Variants in CCDC61 observed in about 807,000 individuals in gnomAD.
The protein encoded by CCDC61 is centrosomal protein CCDC61.
CCDC61 carries 55 observed loss-of-function variants against 63.0 expected under a neutral mutation model. That is an observed-to-expected ratio of 0.87 (90% CI 0.70 to 1.09). The LOEUF is 1.09. Among genes scored for constraint, CCDC61 ranks in the 50% least tolerant of loss-of-function variants. CCDC61 has a pLI of 0.00. For synonymous variants in CCDC61, 270 were observed against 317.0 expected, an observed-to-expected ratio of 0.85 and a Z score of 1.58; for missense variants, 651 against 731.4, an observed-to-expected ratio of 0.89 and a Z score of 1.27.
intron 5 of CCDC61, among the ~76,000 whole-genome samples, chr19:46,009,040 T>C (rs7254423): frequency 0.44 from 66,157 of 151,900 alleles, 14,917 homozygotes; most frequent in Middle Eastern, 0.49. Flanking sequence ...ATATAACCAC[T>C]TGAGTATATC....
chr19:46,013,846 A>G (rs1430702214), intron 5 of CCDC61, among the ~76,000 whole-genome samples: 1 of 151,248 alleles, frequency 6.6e-6, no homozygotes, highest in African/African-American at 2.4e-5. Flanking sequence ...AGCCTGGGTG[A>G]CAGAGCAAGA....
chr19:46,006,904 C>T (rs946277388), intron 4 of CCDC61, among the ~76,000 whole-genome samples, 188 bp downstream of exon 4: 2 of 152,228 alleles, frequency 1.3e-5, no homozygotes, highest in African/African-American at 4.8e-5. Flanking sequence ...TAACCATCAC[C>T]AGTGCCCTAA....
chr19:46,005,644 A>G (rs1340274895), intron 3 of CCDC61, among the ~76,000 whole-genome samples: 2 of 152,038 alleles, frequency 1.3e-5, no homozygotes, highest in African/African-American at 4.8e-5. Context: ...CCAAAATTCT[A>G]ATTTCAAGTG....
chr19:46,009,871 GTGTGTTTCTAGGTT>G (rs138388801), intron 5 of CCDC61, among the ~76,000 whole-genome samples: 2,353 of 152,102 alleles, frequency 0.015, 26 homozygotes, highest in Non-Finnish European at 0.025. Context: ...GGCTGTGTGT[GTGTGTTTCTAGGTT>G]TGTGTTTCTG....
In CCDC61 at chr19:46,006,771, T is replaced by C. The variant is rs575426905; in HGVS notation, c.389+55T>C. ...GGCTGGTGGGCGGGGTGGGAGAGGA[T>C]GTGGGTAGGCCTTAGGAACCCCTGG... is the stretch of plus-strand genomic sequence containing the variant. On this transcript the variant is annotated intron_variant, in intron 4 of 13. Coordinates refer to ENST00000595358, the MANE Select transcript of CCDC61 (RefSeq NM_001267723.2). 1.2e-5 allele frequency: 19 copies of C among 1,528,278 alleles called. No homozygotes were observed. The African/African-American group carries it at 1.8e-4, about 14-fold the overall frequency. 94.7% of individuals were successfully genotyped at this position (1,528,278 alleles called of 1,614,324 possible). A position where few individuals can be genotyped will look rare whatever the true frequency, so the allele number is the denominator to read the frequency against.
At chr19:45,997,887 A>G (rs1425499010) in intron 1 of CCDC61, among the ~76,000 whole-genome samples, 1 of 151,826 alleles carries the variant, frequency 6.6e-6, no homozygotes, top group Non-Finnish European at 1.5e-5. Flanking sequence ...GGGTTTCACC[A>G]TCTTGGCCAG....
chr19:46,004,218 A>G (rs1052616353), intron 3 of CCDC61, among the ~76,000 whole-genome samples: 13 of 152,082 alleles, frequency 8.5e-5, no homozygotes, highest in Non-Finnish European at 1.5e-4. Context: ...GGGATTACAG[A>G]CGTGAACCAC....
chr19:46,006,145 A>G (rs1158134861), intron 3 of CCDC61, among the ~76,000 whole-genome samples: 2 of 152,058 alleles, frequency 1.3e-5, no homozygotes, highest in African/African-American at 2.4e-5. Flanking sequence ...CAGGGGCTTG[A>G]TTTCTCCTAA....
chr19:46,015,442 T>C lies in CCDC61; in HGVS notation c.845+15T>C. ...TACAAGAGGGGGTGAGAGCGAGGCCTGCCAGGCGCCTGGGCGGATGGGCGG... is the reference window on the plus strand; with the variant it reads ...TACAAGAGGGGGTGAGAGCGAGGCCCGCCAGGCGCCTGGGCGGATGGGCGG... On this transcript the variant is annotated intron_variant, in intron 7 of 13. Coordinates refer to ENST00000595358, the MANE Select transcript of CCDC61 (RefSeq NM_001267723.2). The surrounding 1 kb of genome is among the most constrained non-coding windows in gnomAD (Gnocchi z 5.3). 1.3e-6 allele frequency: 2 copies of C among 1,490,926 alleles called. No individual in the cohort carries two copies. The highest frequency in any genetic ancestry group is 1.8e-6 in the Non-Finnish European group (2 of 1,111,078). 92.4% of individuals were successfully genotyped at this position (1,490,926 alleles called of 1,614,324 possible).
At position 46,014,413 on chromosome 19, in the gene CCDC61, A is replaced by G. The variant is rs183042764; in HGVS notation, c.552-636A>G. Among the ~76,000 whole-genome samples, 355 of 152,392 alleles carry G rather than the reference A, an allele frequency of 2.3e-3. 1 individual carries two copies. Among genetic ancestry groups the G allele is most frequent in the Non-Finnish European group, 4.5e-3 (307 of 68,044 alleles). ...TACTGTCTGCACCGCACTGTGTCAC[A>G]GCAGTCACTCGGTGACAGGACACAG... is the stretch of plus-strand genomic sequence containing the variant. On this transcript the variant is annotated intron_variant, in intron 5 of 13. Coordinates refer to ENST00000595358, the MANE Select transcript of CCDC61 (RefSeq NM_001267723.2).
chr19:46,014,212 G>A (rs1427193277), intron 5 of CCDC61, among the ~76,000 whole-genome samples: 1 of 152,106 alleles, frequency 6.6e-6, no homozygotes, highest in Admixed American at 6.6e-5. Context: ...AAAGTGCTGA[G>A]ATTACAGGCA....
rs1442469699 is a variant in CCDC61 at position 46,016,965 on chromosome 19, C to T, written c.1232-26C>T. 1.3e-6 allele frequency: 2 copies of T among 1,597,280 alleles called. No homozygotes were observed. Among genetic ancestry groups the T allele is most frequent in the East Asian group, 2.3e-5 (1 of 44,288 alleles). The stretch of plus-strand genomic sequence containing the variant: ...ACTGGGCGGGGCCAGCGAGGGCCAG[C>T]GGTCACGCCCTCCGTCTCCCTCTAG... On this transcript the variant is annotated intron_variant, in intron 10 of 13. Coordinates refer to ENST00000595358, the MANE Select transcript of CCDC61 (RefSeq NM_001267723.2). This position sits in a 1 kb window ranked among gnomAD's most constrained non-coding sequence, Gnocchi z 7.2.
Position 46,015,103 on chromosome 19 carries a change from G to A in CCDC61, c.606G>A (p.Ser202=), listed in dbSNP as rs1230213039. The change falls in exon 6 of 14, where the codon TCG becomes TCA. Residue 202 remains serine, a synonymous_variant. Coordinates refer to ENST00000595358, the MANE Select transcript of CCDC61 (RefSeq NM_001267723.2). The surrounding 1 kb of genome is among the most constrained non-coding windows in gnomAD (Gnocchi z 5.3). Reference sequence around the variant, plus strand: ...AGCTGGAGGCGCAGCTGGGCCGATCGCGCGAGGAGGCGCTGGCCGGGCGCG... The same window carrying A: ...AGCTGGAGGCGCAGCTGGGCCGATCACGCGAGGAGGCGCTGGCCGGGCGCG... ...KRELEAQLGR[S]REEALAGRAA... 6 of 1,338,354 alleles carry A rather than the reference G, an allele frequency of 4.5e-6. No individual in the cohort carries two copies. The highest frequency in any genetic ancestry group is 2.8e-4 in the Middle Eastern group (1 of 3,558). The allele number at this position is 1,338,354 out of a possible 1,614,324, so 82.9% of individuals were successfully genotyped here.
At chr19:46,008,988 C>A (rs1223016293) in intron 5 of CCDC61, among the ~76,000 whole-genome samples, 2 of 152,134 alleles carry the variant, frequency 1.3e-5, no homozygotes, top group African/African-American at 4.8e-5. Context: ...CCCTCCCTGC[C>A]ACTCACGTAG....
rs369246676 is a variant in CCDC61 at position 46,003,080 on chromosome 19, G to A, written c.62G>A (p.Arg21Gln). 5 of 1,609,650 alleles carry A rather than the reference G, an allele frequency of 3.1e-6. No homozygotes were observed. The highest frequency in any genetic ancestry group is 1.7e-5 in the Admixed American group (1 of 59,274). The stretch of plus-strand genomic sequence containing the variant: ...TTCCGGGGTGTGGAGCATGCCGTGC[G>A]GGTGATGGTTTCTGGGCAGGTGCTG... The part of the protein sequence containing the change: ...YVFRGVEHAV[R>Q]VMVSGQVLEL... The change falls in exon 2 of 14, where the codon CGG becomes CAG. Residue 21 changes from arginine (R) to glutamine (Q), a missense_variant. Physicochemically the swap from Arg to Gln is conservative, Grantham distance 43. Coordinates refer to ENST00000595358, the MANE Select transcript of CCDC61 (RefSeq NM_001267723.2).
chr19:46,015,457 C>A lies in CCDC61; in HGVS notation c.845+30C>A. On this transcript the variant is annotated intron_variant, in intron 7 of 13. Transcript: ENST00000595358. This position sits in a 1 kb window ranked among gnomAD's most constrained non-coding sequence, Gnocchi z 5.3. Reference sequence around the variant, plus strand: ...GAGCGAGGCCTGCCAGGCGCCTGGGCGGATGGGCGGGCCCTGAGGGTGTGG... The same window carrying A: ...GAGCGAGGCCTGCCAGGCGCCTGGGAGGATGGGCGGGCCCTGAGGGTGTGG... 2 of 1,277,020 alleles carry A rather than the reference C, an allele frequency of 1.6e-6. No homozygotes were observed. The highest frequency in any genetic ancestry group is 2.3e-5 in the Admixed American group (1 of 44,118). 79.1% of individuals were successfully genotyped at this position (1,277,020 alleles called of 1,614,324 possible).
Position 46,002,989 on chromosome 19 carries a change from C to T in CCDC61, c.-11-19C>T, listed in dbSNP as rs542623850. ...GGGCTCTGAGCTCCTCTAGGTTTCT[C>T]TCTCATCTCCTTCTCCAGCAACCTT... On this transcript the variant is annotated intron_variant, in intron 1 of 13. Coordinates refer to ENST00000595358, the MANE Select transcript of CCDC61 (RefSeq NM_001267723.2). 9.0e-6 allele frequency: 14 copies of T among 1,551,472 alleles called. No homozygotes were observed. The African/African-American group carries it at 1.9e-4, about 21-fold the overall frequency.
chr19:46,008,053 G>T (rs773104600), intron 4 of CCDC61, 87 bp from the exon 5 acceptor site: 2 of 1,395,518 alleles, frequency 1.4e-6, no homozygotes, highest in Admixed American at 5.2e-5. Flanking sequence ...GTGTGTTTTC[G>T]TACTCTGTGG....
At chr19:46,010,882 C>G (rs954137967) in intron 5 of CCDC61, among the ~76,000 whole-genome samples, 3 of 152,120 alleles carry the variant, frequency 2.0e-5, no homozygotes, top group African/African-American at 7.2e-5. Flanking sequence ...CCATCACATC[C>G]AACAAAATTC....
Sources: allele counts gnomAD v4.1 joint callset (sites outside exome capture counted in the v4.1 genomes callset), GRCh38; gene constraint gnomAD v4.1.1; non-coding constraint Gnocchi (gnomAD v3.1); transcripts MANE v1.5; gene names NCBI Gene and HGNC (gene_info 2026-07-23, HGNC 2026-07-21).